Variants in TCEA3 observed in about 807,000 individuals in gnomAD.
TCEA3 encodes the protein transcription elongation factor A3.
A neutral mutation model predicts 44.0 loss-of-function variants in TCEA3; 36 were observed. The observed-to-expected ratio is 0.82, with a 90% CI of 0.63 to 1.08. The LOEUF is 1.08. TCEA3 is among the 50% of genes least tolerant of loss of function. The pLI, the probability that TCEA3 is intolerant of heterozygous loss-of-function variation, is 0.00. For missense variants in TCEA3, 392 were observed against 441.2 expected (o/e 0.89, Z 1.00); for synonymous variants, 162 against 159.7 (o/e 1.01, Z -0.11).
At chr1:23,423,684 C>T (rs72882995) in intron 1 of TCEA3, among the ~76,000 whole-genome samples, 2,270 of 152,242 alleles carry the variant, frequency 0.015, 68 homozygotes, top group African/African-American at 0.051. Flanking sequence ...CCCTTTTTTT[C>T]CCTCCCAGGG....
Position 23,384,337 on chromosome 1 carries a change from C to T in TCEA3, c.1038+9G>A, listed in dbSNP as rs758538175. On this transcript the variant is annotated intron_variant, in intron 10 of 10. Transcript: ENST00000450454. ...AACAGGGAAGGGGGAAATACATAAA[C>T]ATACAGACCTTCCAGCGATTGCCAC... The T allele has an allele frequency of 2.5e-6, 4 of 1,613,814 alleles. No individual in the cohort carries two copies. The highest frequency in any genetic ancestry group is 3.4e-6 in the Non-Finnish European group (4 of 1,179,876).
chr1:23,419,856 A>G (rs1640005382), intron 1 of TCEA3, among the ~76,000 whole-genome samples: 1 of 152,160 alleles, frequency 6.6e-6, no homozygotes, highest in South Asian at 2.1e-4. Context: ...AAACAAACAA[A>G]AAACAGCTTT....
At chr1:23,420,868 C>G (rs1458479575) in intron 1 of TCEA3, among the ~76,000 whole-genome samples, 4 of 152,184 alleles carry the variant, frequency 2.6e-5, no homozygotes, top group Non-Finnish European at 5.9e-5. Flanking sequence ...TCCTTTCCCC[C>G]AGCCCCTTCC....
At chr1:23,383,430 T>G in intron 10 of TCEA3, 1 of 945,618 alleles carries the variant, frequency 1.1e-6, no homozygotes, top group Non-Finnish European at 1.3e-6. Flanking sequence ...GGAACAATTC[T>G]TGTAGTTGTT....
intron 8 of TCEA3, among the ~76,000 whole-genome samples, chr1:23,392,867 A>G (rs993602803): frequency 1.3e-5 from 2 of 152,140 alleles, no homozygotes; most frequent in Non-Finnish European, 2.9e-5. Flanking sequence ...CCTGGAAGAC[A>G]GTTTTTCCAT....
intron 5 of TCEA3, 46 bp downstream of exon 5, chr1:23,408,618 A>C: frequency 6.3e-7 from 1 of 1,578,906 alleles, no homozygotes; most frequent in South Asian, 1.2e-5. Context: ...AAGGGGACAC[A>C]GGCTGAATAG....
chr1:23,408,324 C>T (rs1421944206), intron 5 of TCEA3, among the ~76,000 whole-genome samples: 1 of 152,206 alleles, frequency 6.6e-6, no homozygotes, highest in East Asian at 1.9e-4. Context: ...GACTGGTCCC[C>T]TGACAGTGAT....
At chr1:23,399,154 A>G (rs891266653) in intron 5 of TCEA3, among the ~76,000 whole-genome samples, 30 of 107,202 alleles carry the variant, frequency 2.8e-4, no homozygotes, top group African/African-American at 1.2e-3. Flanking sequence ...GTATATATAT[A>G]TATATATATA....
At chr1:23,394,727 A>G (rs1264188247) in intron 7 of TCEA3, among the ~76,000 whole-genome samples, 2 of 152,222 alleles carry the variant, frequency 1.3e-5, no homozygotes. Context: ...TCTCCCATTA[A>G]CAGATGAGGA....
intron 4 of TCEA3, among the ~76,000 whole-genome samples, chr1:23,415,009 CTGTTCTTT>C: frequency 7.8e-6 from 1 of 129,018 alleles, no homozygotes; most frequent in African/African-American, 2.9e-5. Flanking sequence ...AATCCCTTTA[CTGTTCTTT>C]TTTTTTTTTT....
At chr1:23,422,147 G>A (rs1340923244) in intron 1 of TCEA3, among the ~76,000 whole-genome samples, 1 of 152,174 alleles carries the variant, frequency 6.6e-6, no homozygotes, top group Non-Finnish European at 1.5e-5. Context: ...TATAAATGTG[G>A]CTGTTTGCTA....
intron 5 of TCEA3, among the ~76,000 whole-genome samples, chr1:23,399,958 G>C (rs544037962): frequency 2.5e-4 from 38 of 152,338 alleles, no homozygotes; most frequent in Admixed American, 3.9e-4. Context: ...TTACAGGCAT[G>C]AGCTACTGTG....
intron 5 of TCEA3, among the ~76,000 whole-genome samples, chr1:23,405,358 G>C (rs1639513348): frequency 6.6e-6 from 1 of 152,036 alleles, no homozygotes; most frequent in African/African-American, 2.4e-5. Context: ...GCACTTTGGG[G>C]GGCCGAAGAG....
At chr1:23,407,238 T>C (rs888310813) in intron 5 of TCEA3, among the ~76,000 whole-genome samples, 1 of 152,136 alleles carries the variant, frequency 6.6e-6, no homozygotes, top group African/African-American at 2.4e-5. Flanking sequence ...TCAAGATATA[T>C]CCGGAAACCA....
At chr1:23,390,081 T>G (rs1638975001) in intron 8 of TCEA3, among the ~76,000 whole-genome samples, 1 of 152,164 alleles carries the variant, frequency 6.6e-6, no homozygotes, top group South Asian at 2.1e-4. Flanking sequence ...GGTGGTTAAC[T>G]GTTTGGGGTC....
chr1:23,404,293 T>C, intron 5 of TCEA3: 1 of 668,022 alleles, frequency 1.5e-6, no homozygotes, highest in Non-Finnish European at 2.8e-6. Flanking sequence ...AGCATCGTGC[T>C]CACTCCCACT....
chr1:23,417,423 T>C, intron 3 of TCEA3, 33 bp from the exon 4 acceptor site: 1 of 1,605,800 alleles, frequency 6.2e-7, no homozygotes. Context: ...GTCCCTCAGC[T>C]AAGCTCTGTC....
chr1:23,419,795 C>T (rs1640004056), intron 1 of TCEA3, among the ~76,000 whole-genome samples: 1 of 152,222 alleles, frequency 6.6e-6, no homozygotes, highest in African/African-American at 2.4e-5. Context: ...AAGATCACAC[C>T]ACTGCACTCC....
intron 5 of TCEA3, among the ~76,000 whole-genome samples, chr1:23,402,717 C>T (rs1006644610): frequency 6.6e-6 from 1 of 152,200 alleles, no homozygotes; most frequent in Non-Finnish European, 1.5e-5. Flanking sequence ...TTATAAACAT[C>T]GTCTGCCTCC....
Sources: allele counts gnomAD v4.1 joint callset (sites outside exome capture counted in the v4.1 genomes callset), GRCh38; gene constraint gnomAD v4.1.1; transcripts MANE v1.5; gene names NCBI Gene and HGNC (gene_info 2026-07-23, HGNC 2026-07-21).